PCDHGA1: variants seen among roughly 807,000 people sequenced by gnomAD.
The protein encoded by PCDHGA1 is protocadherin gamma subfamily A, 1.
Under a neutral mutation model 58.0 loss-of-function variants are expected in PCDHGA1, and 32 were observed. The observed-to-expected ratio is 0.55, with a 90% CI of 0.42 to 0.74. The LOEUF (loss-of-function observed/expected upper bound fraction) is 0.74. Among genes scored for constraint, PCDHGA1 ranks in the 30% least tolerant of loss-of-function variants. The probability of loss-of-function intolerance (pLI) is 0.00; values close to 1 mark genes in which losing one functional copy is unlikely to be tolerated. For missense variants in PCDHGA1, 1,205 were observed against 1,182.3 expected, an observed-to-expected ratio of 1.02 and a Z score of -0.28; for synonymous variants, 498 against 501.1, an observed-to-expected ratio of 0.99 and a Z score of 0.08.
chr5:141,373,678 A>G (rs4151698), intron 1 of PCDHGA1, among the ~76,000 whole-genome samples: 17,665 of 152,222 alleles, frequency 0.12, 1,184 homozygotes, highest in African/African-American at 0.18. Flanking sequence ...TGAATGGTAA[A>G]CTTCAGAGAA....
At chr5:141,510,860 G>A (rs1274817106) in intron 3 of PCDHGA1, 87 bp from the exon 4 acceptor site, 11 of 1,606,558 alleles carry the variant, frequency 6.8e-6, no homozygotes, top group South Asian at 4.4e-5. Context: ...GTGCTGTATA[G>A]GCATTCATTA....
In PCDHGA1 at chr5:141,341,059, G is replaced by A. The variant is rs372909712; in HGVS notation, c.2421+7954G>A. 6 of 1,614,188 alleles carry A rather than the reference G, an allele frequency of 3.7e-6. No homozygotes were observed. In the East Asian group the frequency reaches 8.9e-5, roughly 24 times the overall value. Reference sequence around the variant, plus strand: ...ACCTCACTCTGTACCTGGTGGTGGCGGTGGCCGCGGTCTCCTGCGTCTTCC... The same window carrying A: ...ACCTCACTCTGTACCTGGTGGTGGCAGTGGCCGCGGTCTCCTGCGTCTTCC... On this transcript the variant is annotated intron_variant, in intron 1 of 3. Coordinates refer to ENST00000517417, the MANE Select transcript of PCDHGA1 (RefSeq NM_018912.3).
In PCDHGA1 at chr5:141,430,200, T is replaced by G. The variant is rs182960813; in HGVS notation, c.2422-64607T>G. Among the ~76,000 whole-genome samples the G allele has an allele frequency of 8.2e-4, 124 of 152,052 alleles. 2 individuals are homozygous for G. Among genetic ancestry groups the G allele is most frequent in the African/African-American group, 2.9e-3 (119 of 41,468 alleles). ...CCCAAATTATAGCTGAATCAGAAAG[T>G]TTAAATTATTATATTATATGATTTG... On this transcript the variant is annotated intron_variant, in intron 1 of 3. Transcript: ENST00000517417.
rs1486545769 is a variant in PCDHGA1 at position 141,431,780 on chromosome 5, A to T, written c.2422-63027A>T. On this transcript the variant is annotated intron_variant, in intron 1 of 3. Coordinates refer to ENST00000517417, the MANE Select transcript of PCDHGA1 (RefSeq NM_018912.3). This position sits in a 1 kb window ranked among gnomAD's most constrained non-coding sequence, Gnocchi z 4.8. The stretch of plus-strand genomic sequence containing the variant: ...AGTCCTGATCACTGTTCTGGACGTG[A>T]ACGACAATGCCCCAGAAGTGGTCCT... 4 of 1,614,086 alleles carry T rather than the reference A, an allele frequency of 2.5e-6. No homozygotes were observed. The highest frequency in any genetic ancestry group is 3.4e-6 in the Non-Finnish European group (4 of 1,180,028).
chr5:141,383,312 T>C (rs1271523069), intron 1 of PCDHGA1: 1 of 1,613,832 alleles, frequency 6.2e-7, no homozygotes, highest in Admixed American at 1.7e-5. Flanking sequence ...ACGGAAGAAA[T>C]AAATGTAAAA....
rs116140192 is a variant in PCDHGA1, at chr5:141,497,400, A to C, written c.2480+2535A>C. Among the ~76,000 whole-genome samples, 87 of 152,110 alleles carry C rather than the reference A, an allele frequency of 5.7e-4. 1 individual carries two copies. Among genetic ancestry groups the C allele is most frequent in the African/African-American group, 2.0e-3 (82 of 41,484 alleles). ...GGGGTGAGCACCTTACCCCTGCCTCAACTCCCATTCCATCAAATGAGAGGC... is the reference window on the plus strand; with the variant it reads ...GGGGTGAGCACCTTACCCCTGCCTCCACTCCCATTCCATCAAATGAGAGGC... On this transcript the variant is annotated intron_variant, in intron 2 of 3. Coordinates refer to ENST00000517417, the MANE Select transcript of PCDHGA1 (RefSeq NM_018912.3).
chr5:141,506,815 A>G (rs2099856451), intron 3 of PCDHGA1, among the ~76,000 whole-genome samples: 1 of 152,214 alleles, frequency 6.6e-6, no homozygotes, highest in African/African-American at 2.4e-5. Flanking sequence ...GCATTGCCCT[A>G]TATCATGAAC....
intron 1 of PCDHGA1, chr5:141,413,515 G>C: frequency 6.2e-7 from 1 of 1,613,984 alleles, no homozygotes; most frequent in Non-Finnish European, 8.5e-7. Context: ...TAATATCCTT[G>C]TGGAAGACAG....
chr5:141,345,244 T>G (rs374182078), intron 1 of PCDHGA1: 25 of 1,613,966 alleles, frequency 1.5e-5, no homozygotes, highest in Non-Finnish European at 2.0e-5. Flanking sequence ...TATTACCGCT[T>G]AGTGACGGCC....
chr5:141,449,497 G>A (rs903338878), intron 1 of PCDHGA1, among the ~76,000 whole-genome samples: 4 of 149,856 alleles, frequency 2.7e-5, no homozygotes, highest in African/African-American at 9.9e-5. Flanking sequence ...GGTGAGGCAT[G>A]AGAAATGCTT....
intron 1 of PCDHGA1, among the ~76,000 whole-genome samples, chr5:141,436,742 G>A (rs568532036): frequency 3.9e-4 from 59 of 152,304 alleles, no homozygotes; most frequent in Non-Finnish European, 7.1e-4. Flanking sequence ...ATTTTTGTGT[G>A]CTTCTCCATA....
intron 1 of PCDHGA1, chr5:141,366,784 A>C (rs749444374): frequency 6.3e-7 from 1 of 1,579,152 alleles, no homozygotes; most frequent in Non-Finnish European, 8.6e-7. Context: ...GATGACCAGA[A>C]CATTTTCATT....
chr5:141,411,366 T>C (rs559840924), intron 1 of PCDHGA1: 1 of 152,208 alleles, frequency 6.6e-6, no homozygotes, highest in South Asian at 2.1e-4. Flanking sequence ...AGCCCAAGAA[T>C]TGAGACCAGC....
chr5:141,447,058 G>A (rs1356080567), intron 1 of PCDHGA1, among the ~76,000 whole-genome samples: 1 of 152,068 alleles, frequency 6.6e-6, no homozygotes, highest in Non-Finnish European at 1.5e-5. Flanking sequence ...ATTAAAATGT[G>A]TCAGGCTGTT....
intron 1 of PCDHGA1, chr5:141,414,054 G>A: frequency 6.2e-7 from 1 of 1,610,250 alleles, no homozygotes; most frequent in Non-Finnish European, 8.5e-7. Flanking sequence ...ACACGCAATT[G>A]TTGAAGTTCC....
rs1366128123 is a variant in PCDHGA1 at position 141,353,185 on chromosome 5, G to T, written c.2421+20080G>T. Among the ~76,000 whole-genome samples, 3 of 151,922 alleles carry T rather than the reference G, an allele frequency of 2.0e-5. No individual in the cohort carries two copies. The East Asian group carries it at 5.8e-4, about 29-fold the overall frequency. ...TACTGTTGGCATTTCTGTATGGTTG[G>T]CAAATCTTGCTAAAGAGACCTGTTT... is the stretch of plus-strand genomic sequence containing the variant. On this transcript the variant is annotated intron_variant, in intron 1 of 3. Transcript: ENST00000517417.
chr5:141,361,769 A>C, intron 1 of PCDHGA1: 1 of 1,613,144 alleles, frequency 6.2e-7, no homozygotes, highest in Non-Finnish European at 8.5e-7. Context: ...CTCAGCGCCA[A>C]CGTGAGCCTG....
chr5:141,497,544 T>C (rs1410779650), intron 2 of PCDHGA1, among the ~76,000 whole-genome samples: 4 of 150,796 alleles, frequency 2.7e-5, no homozygotes, highest in African/African-American at 9.8e-5. Flanking sequence ...ACAAACCTTT[T>C]TTTTTTTTTT....
At chr5:141,405,002 C>G in intron 1 of PCDHGA1, 2 of 1,613,988 alleles carry the variant, frequency 1.2e-6, no homozygotes, top group Non-Finnish European at 1.7e-6. Context: ...CCCTGCAGAC[C>G]TGGAGGCCTC....
Sources: allele counts gnomAD v4.1 joint callset (sites outside exome capture counted in the v4.1 genomes callset), GRCh38; gene constraint gnomAD v4.1.1; non-coding constraint Gnocchi (gnomAD v3.1); transcripts MANE v1.5; gene names NCBI Gene and HGNC (gene_info 2026-07-23, HGNC 2026-07-21).